Variants in RAB37 observed in about 807,000 individuals in gnomAD.
RAB37 encodes the protein ras-related protein Rab-37.
Under a neutral mutation model 33.1 loss-of-function variants are expected in RAB37, and 29 were observed. The ratio of observed to expected loss-of-function variants is 0.88; its 90% CI spans 0.65 to 1.20. The LOEUF is 1.20. Among genes scored for constraint, RAB37 ranks in the 50% most tolerant of loss-of-function variants. RAB37 has a pLI of 0.00. For missense variants in RAB37, 299 were observed against 301.1 expected, an observed-to-expected ratio of 0.99 and a Z score of 0.05; for synonymous variants, 128 against 119.5, an observed-to-expected ratio of 1.07 and a Z score of -0.47.
chr17:74,710,017 C>T (rs929018716), intron 1 of RAB37, among the ~76,000 whole-genome samples: 5 of 152,140 alleles, frequency 3.3e-5, no homozygotes, highest in Admixed American at 6.5e-5. Context: ...CAGGCTCTGT[C>T]GCCCAGGCTG....
intron 1 of RAB37, chr17:74,694,987 G>T: frequency 8.1e-7 from 1 of 1,233,620 alleles, no homozygotes; most frequent in Non-Finnish European, 1.1e-6. Flanking sequence ...TGATCAGGCA[G>T]AGGCACCAGT....
At chr17:74,736,551 T>A, upstream of RAB37, 1 of 1,476,262 alleles carries the variant, frequency 6.8e-7, no homozygotes, top group Non-Finnish European at 9.0e-7. Flanking sequence ...CGGCCCCGCC[T>A]TCAGGAGCGG....
intron 1 of RAB37, among the ~76,000 whole-genome samples, chr17:74,696,845 C>T (rs899075802): frequency 5.9e-5 from 9 of 152,196 alleles, no homozygotes; most frequent in African/African-American, 1.7e-4. Context: ...ATGCACCAAG[C>T]TGTCCCCCAA....
intron 1 of RAB37, among the ~76,000 whole-genome samples, chr17:74,710,877 A>C (rs2033907560): frequency 6.6e-6 from 1 of 151,710 alleles, no homozygotes; most frequent in African/African-American, 2.4e-5. Context: ...AAAAAAAAAA[A>C]CAAAAAATCT....
intron 1 of RAB37, chr17:74,712,736 C>A (rs2034060821): frequency 4.3e-6 from 6 of 1,380,026 alleles, no homozygotes; most frequent in South Asian, 1.2e-5. Context: ...ATTAAGGACA[C>A]CTTCTGGCCG....
chr17:74,710,705 G>A (rs59511639), intron 1 of RAB37, among the ~76,000 whole-genome samples: 2,802 of 90,526 alleles, frequency 0.031, 56 homozygotes, highest in East Asian at 0.11. Context: ...CTAAAAATAC[G>A]AAAAAAAAAA....
At chr17:74,743,067 C>T in intron 3 of RAB37, 62 bp from the exon 4 acceptor site, 3 of 1,473,134 alleles carry the variant, frequency 2.0e-6, no homozygotes, top group Non-Finnish European at 1.9e-6. Context: ...AGGCCTGCTC[C>T]ACCCAGCACA....
intron 1 of RAB37, among the ~76,000 whole-genome samples, chr17:74,720,802 A>G (rs1412391251): frequency 6.6e-6 from 1 of 152,082 alleles, no homozygotes; most frequent in Non-Finnish European, 1.5e-5. Context: ...GGTTCTTGTC[A>G]GGTGTCCAGG....
upstream of RAB37, among the ~76,000 whole-genome samples, chr17:74,733,819 T>C (rs940215678): frequency 2.0e-5 from 3 of 152,130 alleles, no homozygotes; most frequent in Admixed American, 6.5e-5. Context: ...AGGCTGCCCT[T>C]GAACACCCTA....
At chr17:74,704,868 A>G (rs774412683) in intron 1 of RAB37, 1 of 1,434,254 alleles carries the variant, frequency 7.0e-7, no homozygotes, top group Non-Finnish European at 9.6e-7. Flanking sequence ...GGGCAGGGCC[A>G]CAGCTTTCTG....
At chr17:74,684,609 G>A (rs921936103) in intron 1 of RAB37, among the ~76,000 whole-genome samples, 34 of 151,940 alleles carry the variant, frequency 2.2e-4, no homozygotes, top group African/African-American at 7.5e-4. Flanking sequence ...CCAACATGAC[G>A]AAACCCTGTC....
At chr17:74,712,199 G>T (rs2034013167) in intron 1 of RAB37, among the ~76,000 whole-genome samples, 1 of 151,934 alleles carries the variant, frequency 6.6e-6, no homozygotes, top group African/African-American at 2.4e-5. Context: ...TCTTTCCCTG[G>T]CCTCCCTTCA....
chr17:74,688,636 TA>T (rs201468931), intron 1 of RAB37, among the ~76,000 whole-genome samples: 15 of 147,860 alleles, frequency 1.0e-4, no homozygotes, highest in East Asian at 5.9e-4. Context: ...AATAAGAGTG[TA>T]AAAAAAAAGA....
At chr17:74,734,048 T>C (rs1292141015), upstream of RAB37, among the ~76,000 whole-genome samples, 1 of 152,184 alleles carries the variant, frequency 6.6e-6, no homozygotes, top group Non-Finnish European at 1.5e-5. Context: ...CAACCTTCTG[T>C]ATTCCAAACC....
chr17:74,728,678 GTGTGCATGTGTGTTC>G (rs1193005327), intron 1 of RAB37, among the ~76,000 whole-genome samples: 1 of 151,242 alleles, frequency 6.6e-6, no homozygotes, highest in Admixed American at 6.6e-5. Flanking sequence ...ATATGTTTGT[GTGTGCATGTGTGTTC>G]TGTGCATGTG....
chr17:74,692,761 C>A (rs753516672), intron 1 of RAB37, among the ~76,000 whole-genome samples: 2 of 152,176 alleles, frequency 1.3e-5, no homozygotes, highest in African/African-American at 4.8e-5. Flanking sequence ...AGTCTGTCCA[C>A]GTCATGCTTC....
rs1295856023 is a variant in RAB37 at position 74,744,366 on chromosome 17, G to C, written c.425G>C (p.Gly142Ala). ...AQRDVVIMLLGNKADMSSERV... is the reference protein window; with the variant it reads ...AQRDVVIMLLANKADMSSERV... ...AGGGACGTGGTGATCATGCTGCTAG[G>C]CAACAAGGTGAGTGGCTCCGGGGCA... The change falls in exon 6 of 9, where the codon GGC (glycine) becomes GCC (alanine). Residue 142 changes from glycine (G) to alanine (A), a missense_variant. Transcript: ENST00000392613. The surrounding 1 kb of genome is among the most constrained non-coding windows in gnomAD (Gnocchi z 4.2). 1.2e-6 allele frequency: 2 copies of C among 1,614,088 alleles called. No individual in the cohort carries two copies. The highest frequency in any genetic ancestry group is 2.2e-5 in the South Asian group (2 of 91,070).
chr17:74,745,773 C>G lies in RAB37; in HGVS notation c.*362C>G, dbSNP rs1408518004. ...AGGTGGTGTTGCTCCAGCTCAGCCCCAGGGGACACAGATGCACTTTGGGGG... is the reference window on the plus strand; with the variant it reads ...AGGTGGTGTTGCTCCAGCTCAGCCCGAGGGGACACAGATGCACTTTGGGGG... On this transcript the variant is annotated 3_prime_UTR_variant, in exon 9 of 9. Transcript: ENST00000392613. The surrounding 1 kb of genome is among the most constrained non-coding windows in gnomAD (Gnocchi z 4.5). 4.7e-6 allele frequency: 1 copy of G among 211,492 alleles called. No individual in the cohort carries two copies. The highest frequency in any genetic ancestry group is 9.6e-6 in the Non-Finnish European group (1 of 104,192). 13.1% of individuals were successfully genotyped at this position (211,492 alleles called of 1,614,324 possible). A position where few individuals can be genotyped will look rare whatever the true frequency, so the allele number is the denominator to read the frequency against.
chr17:74,684,212 C>T (rs1250893649), intron 1 of RAB37, among the ~76,000 whole-genome samples: 4 of 151,988 alleles, frequency 2.6e-5, no homozygotes, highest in Non-Finnish European at 5.9e-5. Flanking sequence ...GATCCTCCTA[C>T]TTCAGCCTCC....
Sources: gnomAD v4.1 joint callset for allele counts (sites outside exome capture counted in the v4.1 genomes callset) on GRCh38, gnomAD v4.1.1 for gene constraint, Gnocchi (gnomAD v3.1) non-coding constraint, MANE v1.5 for transcripts, NCBI Gene and HGNC (gene_info 2026-07-23, HGNC 2026-07-21) for gene names.